Variants in NTRK3 observed in about 807,000 individuals in gnomAD.
The protein encoded by NTRK3 is NT-3 growth factor receptor.
NTRK3 carries 24 observed loss-of-function variants against 91.7 expected under a neutral mutation model. The observed-to-expected ratio is 0.26, with a 90% CI of 0.19 to 0.37. NTRK3 has a LOEUF of 0.37. NTRK3 is among the 10% of genes least tolerant of loss of function. NTRK3 has a pLI of 1.00. For missense variants in NTRK3, 880 were observed against 1,068.9 expected, an observed-to-expected ratio of 0.82 and a Z score of 2.46; for synonymous variants, 483 against 404.0, an observed-to-expected ratio of 1.20 and a Z score of -2.34.
chr15:88,212,015 A>T (rs926393821), intron 3 of NTRK3, among the ~76,000 whole-genome samples: 6 of 152,206 alleles, frequency 3.9e-5, no homozygotes, highest in African/African-American at 1.4e-4. Context: ...TAAATACCCA[A>T]TTTATTACAT....
intron 17 of NTRK3, among the ~76,000 whole-genome samples, chr15:87,886,892 A>C (rs954584112): frequency 6.6e-6 from 1 of 151,614 alleles, no homozygotes; most frequent in African/African-American, 2.4e-5. Context: ...CAAAAAATTA[A>C]TATTTTTAAA....
chr15:87,904,407 C>T (rs760262650), intron 17 of NTRK3, among the ~76,000 whole-genome samples: 1 of 152,092 alleles, frequency 6.6e-6, no homozygotes, highest in Non-Finnish European at 1.5e-5. Flanking sequence ...CCATCCGCCT[C>T]GGCCTCCCAA....
intron 17 of NTRK3, among the ~76,000 whole-genome samples, chr15:87,890,021 T>TTC (rs2065773540): frequency 6.6e-6 from 1 of 151,776 alleles, no homozygotes; most frequent in Non-Finnish European, 1.5e-5. Flanking sequence ...TCCCAAAAAT[T>TTC]TCTCAAAGTC....
At chr15:88,080,508 G>A (rs2047948695) in intron 13 of NTRK3, among the ~76,000 whole-genome samples, 1 of 152,198 alleles carries the variant, frequency 6.6e-6, no homozygotes, top group Non-Finnish European at 1.5e-5. Context: ...TCTGGGAATT[G>A]CCTGTTCCTG....
At chr15:88,092,013 A>G (rs967033120) in intron 13 of NTRK3, among the ~76,000 whole-genome samples, 5 of 152,212 alleles carry the variant, frequency 3.3e-5, no homozygotes, top group African/African-American at 1.2e-4. Context: ...CTTGCAACCC[A>G]TCTCACAGTA....
chr15:88,174,955 C>T (rs1421829641), intron 5 of NTRK3, among the ~76,000 whole-genome samples: 1 of 152,214 alleles, frequency 6.6e-6, no homozygotes, highest in African/African-American at 2.4e-5. Context: ...CATTTACTTC[C>T]TTATACTTAA....
chr15:87,962,727 G>A (rs961834894), intron 14 of NTRK3, among the ~76,000 whole-genome samples: 7 of 152,110 alleles, frequency 4.6e-5, no homozygotes, highest in South Asian at 2.1e-4. Flanking sequence ...TGCCCCACCC[G>A]ATGTGTTCCA....
At chr15:88,023,596 A>C (rs2077769596) in intron 14 of NTRK3, among the ~76,000 whole-genome samples, 1 of 152,194 alleles carries the variant, frequency 6.6e-6, no homozygotes. Flanking sequence ...AGATCCAACC[A>C]GGAGAATAAA....
At chr15:88,058,608 T>C (rs971938752) in intron 13 of NTRK3, among the ~76,000 whole-genome samples, 7 of 152,106 alleles carry the variant, frequency 4.6e-5, no homozygotes, top group African/African-American at 9.7e-5. Context: ...CCCTCCACCA[T>C]GCCCCAATGC....
exon 19 of NTRK3, chr15:87,863,426 C>G (rs1374125989): frequency 4.5e-6 from 1 of 224,614 alleles, no homozygotes; most frequent in Non-Finnish European, 8.9e-6. Context: ...AATTTACACT[C>G]TGGGATGCGA....
chr15:88,256,113 C>G, exon 3 of NTRK3: 3 of 1,611,544 alleles, frequency 1.9e-6, no homozygotes, highest in Non-Finnish European at 1.7e-6. Flanking sequence ...CAAGAAAATC[C>G]GCCAGAAACT....
intron 16 of NTRK3, chr15:87,931,327 T>C (rs2068780502): frequency 2.2e-6 from 1 of 448,960 alleles, no homozygotes; most frequent in Non-Finnish European, 4.4e-6. Context: ...ATCCCGAATA[T>C]TGAGAAAGAG....
intron 13 of NTRK3, among the ~76,000 whole-genome samples, chr15:88,107,151 A>G (rs2050804134): frequency 6.6e-6 from 1 of 152,138 alleles, no homozygotes; most frequent in African/African-American, 2.4e-5. Context: ...TTTTATAAAA[A>G]TAAGTCCACA....
At chr15:88,206,781 C>G (rs2048831731) in intron 3 of NTRK3, among the ~76,000 whole-genome samples, 1 of 152,182 alleles carries the variant, frequency 6.6e-6, no homozygotes, top group Non-Finnish European at 1.5e-5. Flanking sequence ...CTCACAGCTC[C>G]TTTCCCTGCT....
intron 14 of NTRK3, among the ~76,000 whole-genome samples, chr15:87,972,570 C>G (rs1446980001): frequency 2.6e-5 from 4 of 152,214 alleles, no homozygotes; most frequent in Admixed American, 6.5e-5. Flanking sequence ...CTCCATTCTT[C>G]TTGACTTACG....
At chr15:87,907,882 G>A (rs939455420) in intron 17 of NTRK3, among the ~76,000 whole-genome samples, 2 of 152,204 alleles carry the variant, frequency 1.3e-5, no homozygotes, top group Non-Finnish European at 2.9e-5. Flanking sequence ...AAAATGGGGA[G>A]GGCAAAAGCC....
chr15:87,982,907 T>C (rs2074413600), intron 14 of NTRK3, among the ~76,000 whole-genome samples: 1 of 152,224 alleles, frequency 6.6e-6, no homozygotes, highest in Non-Finnish European at 1.5e-5. Context: ...GCCCAGCACC[T>C]TCCAGGGAGA....
chr15:87,997,088 C>T (rs945409875), intron 14 of NTRK3, among the ~76,000 whole-genome samples: 1 of 152,174 alleles, frequency 6.6e-6, no homozygotes, highest in Non-Finnish European at 1.5e-5. Flanking sequence ...GTTTCACTTC[C>T]AGTTCTGCCA....
intron 13 of NTRK3, among the ~76,000 whole-genome samples, chr15:88,112,456 C>T (rs575670449): frequency 1.3e-5 from 2 of 152,152 alleles, no homozygotes; most frequent in South Asian, 2.1e-4. Flanking sequence ...GCCCTAGAGT[C>T]GGGATGTGGT....
Sources: gnomAD v4.1 joint callset for allele counts (sites outside exome capture counted in the v4.1 genomes callset) on GRCh38, gnomAD v4.1.1 for gene constraint, MANE v1.5 for transcripts, NCBI Gene and HGNC (gene_info 2026-07-23, HGNC 2026-07-21) for gene names.